RPS6KA2: variants seen among roughly 807,000 people sequenced by gnomAD.
The protein encoded by RPS6KA2 is ribosomal protein S6 kinase A2, also known as ribosomal protein S6 kinase alpha-2.
In RPS6KA2, 42 loss-of-function variants were observed where a neutral mutation model predicts 91.8. That is an observed-to-expected ratio of 0.46 (90% CI 0.36 to 0.59). The LOEUF (loss-of-function observed/expected upper bound fraction) is 0.59, where lower values mean the gene tolerates loss of function less well. Among genes scored for constraint, RPS6KA2 ranks in the 20% least tolerant of loss-of-function variants. The pLI is 0.00. For missense variants in RPS6KA2, 798 were observed against 978.5 expected, an observed-to-expected ratio of 0.82 and a Z score of 2.46; for synonymous variants, 414 against 393.6, an observed-to-expected ratio of 1.05 and a Z score of -0.61.
At chr6:166,716,789 G>A (rs1188097792) in intron 2 of RPS6KA2, among the ~76,000 whole-genome samples, 1 of 152,172 alleles carries the variant, frequency 6.6e-6, no homozygotes, top group Admixed American at 6.5e-5. Flanking sequence ...ATAAAGTAAG[G>A]GTGATCATTT....
chr6:166,613,475 C>T (rs1786271345), intron 1 of RPS6KA2, among the ~76,000 whole-genome samples: 1 of 152,224 alleles, frequency 6.6e-6, no homozygotes, highest in Admixed American at 6.5e-5. Context: ...CACTAACCCA[C>T]ACCCTGAGCT....
intron 2 of RPS6KA2, among the ~76,000 whole-genome samples, chr6:166,691,286 A>G (rs1789200113): frequency 6.6e-6 from 1 of 152,070 alleles, no homozygotes; most frequent in South Asian, 2.1e-4. Flanking sequence ...CCCGCATGCC[A>G]GGTTAGGCCC....
At chr6:166,575,349 G>T (rs750710153) in intron 1 of RPS6KA2, among the ~76,000 whole-genome samples, 2 of 152,136 alleles carry the variant, frequency 1.3e-5, no homozygotes, top group Non-Finnish European at 2.9e-5. Flanking sequence ...TATTTTCAGC[G>T]CTGGCTTTTG....
At chr6:166,525,140 C>A (rs575874652) in intron 3 of RPS6KA2, among the ~76,000 whole-genome samples, 4 of 152,304 alleles carry the variant, frequency 2.6e-5, no homozygotes, top group Non-Finnish European at 5.9e-5. Context: ...TTGGTTCATT[C>A]TTGGTCTCAC....
intron 2 of RPS6KA2, among the ~76,000 whole-genome samples, chr6:166,805,728 A>T (rs548786425): frequency 6.6e-6 from 1 of 152,332 alleles, no homozygotes; most frequent in South Asian, 2.1e-4. Flanking sequence ...ATCATAAGAC[A>T]TACCAAAAAA....
intron 1 of RPS6KA2, among the ~76,000 whole-genome samples, chr6:166,859,694 T>C (rs1180289597): frequency 6.6e-6 from 1 of 152,182 alleles, no homozygotes; most frequent in East Asian, 1.9e-4. Context: ...TCTAGTACAA[T>C]GGACCTCAGA....
rs963932325 is a variant in RPS6KA2, at chr6:166,448,179, C to G, written c.1332+545G>C. ...ACGGTTGGGAGTAAAACCATTAGCT[C>G]TCTGCCAAAGTTTGTTGTAAGTAAT... On this transcript the variant is annotated intron_variant, in intron 14 of 20. Coordinates refer to ENST00000265678, the MANE Select transcript of RPS6KA2 (RefSeq NM_021135.6). The surrounding 1 kb of genome is among the most constrained non-coding windows in gnomAD (Gnocchi z 4.7). Among the ~76,000 whole-genome samples, 1 of 152,200 alleles carries G rather than the reference C, an allele frequency of 6.6e-6. No individual in the cohort carries two copies. The highest frequency in any genetic ancestry group is 1.5e-5 in the Non-Finnish European group (1 of 68,050).
chr6:166,559,675 A>G (rs1784282682), intron 1 of RPS6KA2, among the ~76,000 whole-genome samples: 1 of 152,168 alleles, frequency 6.6e-6, no homozygotes, highest in Non-Finnish European at 1.5e-5. Context: ...CTGGCCTTAG[A>G]GTTTCACTGT....
chr6:166,644,322 G>C (rs1787538705), intron 2 of RPS6KA2, among the ~76,000 whole-genome samples: 1 of 152,084 alleles, frequency 6.6e-6, no homozygotes, highest in Admixed American at 6.5e-5. Context: ...ACATCCTGAA[G>C]TTCAACACAG....
intron 2 of RPS6KA2, among the ~76,000 whole-genome samples, chr6:166,828,139 G>A (rs1780093157): frequency 6.6e-6 from 1 of 151,914 alleles, no homozygotes; most frequent in Non-Finnish European, 1.5e-5. Context: ...CTCAGGGTCA[G>A]CATGGGGCAT....
At chr6:166,731,172 G>A (rs1032649434) in intron 2 of RPS6KA2, among the ~76,000 whole-genome samples, 6 of 152,138 alleles carry the variant, frequency 3.9e-5, no homozygotes, top group African/African-American at 1.4e-4. Flanking sequence ...AACCCGGGAG[G>A]TGGAGGTTGC....
rs116997034 is a variant in RPS6KA2 at position 166,419,759 on chromosome 6, T to A, written c.1820+123A>T. 16,786 of 755,572 alleles carry A rather than the reference T, an allele frequency of 0.022. 1,228 individuals carry two copies. Among genetic ancestry groups the A allele is most frequent in the East Asian group, 0.17 (6,480 of 38,454 alleles). The allele number at this position is 755,572 out of a possible 1,614,324, so 46.8% of individuals were successfully genotyped here. ...CACTCAAGGCCTGGGAGTGTTTGCA[T>A]ACACGTTGGGTTTGCCCACATGCGC... is the stretch of plus-strand genomic sequence containing the variant. On this transcript the variant is annotated intron_variant, in intron 18 of 20. Coordinates refer to ENST00000265678, the MANE Select transcript of RPS6KA2 (RefSeq NM_021135.6). The surrounding 1 kb of genome is among the most constrained non-coding windows in gnomAD (Gnocchi z 5.6).
At chr6:166,808,819 G>A (rs1779560170) in intron 2 of RPS6KA2, among the ~76,000 whole-genome samples, 1 of 152,144 alleles carries the variant, frequency 6.6e-6, no homozygotes, top group African/African-American at 2.4e-5. Context: ...CAAATTAAAT[G>A]CAATTCCAAT....
At chr6:166,450,422 GACCACCATGGGGACCACCACAGGA>G (rs1311931301) in intron 13 of RPS6KA2, among the ~76,000 whole-genome samples, 35 of 143,818 alleles carry the variant, frequency 2.4e-4, no homozygotes, top group South Asian at 4.5e-4. Context: ...CCACCACAGG[GACCACCATGGGGACCACCACAGGA>G]ACCACCATGA....
At chr6:166,776,708 G>A (rs907916461) in intron 2 of RPS6KA2, among the ~76,000 whole-genome samples, 7 of 152,182 alleles carry the variant, frequency 4.6e-5, no homozygotes, top group African/African-American at 9.6e-5. Flanking sequence ...TGATGTGCTC[G>A]AGGTTCGTCC....
At chr6:166,449,635 C>A (rs1400492380) in intron 13 of RPS6KA2, among the ~76,000 whole-genome samples, 1 of 152,268 alleles carries the variant, frequency 6.6e-6, no homozygotes, top group East Asian at 1.9e-4. Flanking sequence ...GGGCTCCACA[C>A]AGTGAAGATG....
intron 3 of RPS6KA2, among the ~76,000 whole-genome samples, chr6:166,518,131 CA>C (rs1332312692): frequency 1.3e-5 from 2 of 149,676 alleles, no homozygotes; most frequent in Non-Finnish European, 1.5e-5. Flanking sequence ...ACTAAAAATA[CA>C]AAAAATTAGC....
At chr6:166,628,321 G>C (rs1291778892), upstream of RPS6KA2, among the ~76,000 whole-genome samples, 1 of 152,194 alleles carries the variant, frequency 6.6e-6, no homozygotes, top group African/African-American at 2.4e-5. Context: ...TGTTGAGTTT[G>C]TATTTAAAAA....
chr6:166,500,987 A>C lies in RPS6KA2; in HGVS notation c.567-63T>G. 1 of 1,515,588 alleles carries C rather than the reference A, an allele frequency of 6.6e-7. No homozygotes were observed. The allele number at this position is 1,515,588 out of a possible 1,614,324, so 93.9% of individuals were successfully genotyped here. Reference sequence around the variant, plus strand: ...AGACCCAGCCTGCCGACGGGCACGCAGAGCTCAGAGGAGAGCTGCGGGGCA... The same window carrying C: ...AGACCCAGCCTGCCGACGGGCACGCCGAGCTCAGAGGAGAGCTGCGGGGCA... On this transcript the variant is annotated intron_variant, in intron 6 of 20. Transcript: ENST00000265678. The surrounding 1 kb of genome is among the most constrained non-coding windows in gnomAD (Gnocchi z 4.3).
Sources: allele counts gnomAD v4.1 joint callset (sites outside exome capture counted in the v4.1 genomes callset), GRCh38; gene constraint gnomAD v4.1.1; non-coding constraint Gnocchi (gnomAD v3.1); transcripts MANE v1.5; gene names NCBI Gene and HGNC (gene_info 2026-07-23, HGNC 2026-07-21).